The following DNAH2 variants were observed in gnomAD, a reference collection of about 807,000 sequenced individuals.
The protein encoded by DNAH2 is dynein axonemal heavy chain 2.
Under a neutral mutation model 523.5 loss-of-function variants are expected in DNAH2, and 323 were observed. That is an observed-to-expected ratio of 0.62 (90% CI 0.56 to 0.68). The LOEUF (loss-of-function observed/expected upper bound fraction) is 0.68, where lower values mean the gene tolerates loss of function less well. Among genes scored for constraint, DNAH2 ranks in the 30% least tolerant of loss-of-function variants. The probability of loss-of-function intolerance (pLI) is 0.00; values close to 1 mark genes in which losing one functional copy is unlikely to be tolerated. For synonymous variants in DNAH2, 2,093 were observed against 2,177.4 expected (o/e 0.96, Z 1.08); for missense variants, 4,907 against 5,701.5 (o/e 0.86, Z 4.49).
In DNAH2 at chr17:7,786,276, G is replaced by A. The variant is rs754478834; in HGVS notation, c.6282G>A (p.Trp2094Ter). 1.2e-6 allele frequency: 2 copies of A among 1,614,010 alleles called. No homozygotes were observed. Among genetic ancestry groups the A allele is most frequent in the Non-Finnish European group, 1.7e-6 (2 of 1,180,010 alleles). The change falls in exon 40 of 86, where the codon TGG becomes TGA. Residue 2094 changes from tryptophan to a stop codon, truncating the protein, a stop_gained. Coordinates refer to ENST00000572933, the MANE Select transcript of DNAH2 (RefSeq NM_020877.5). LOFTEE classifies it high-confidence loss of function. The surrounding 1 kb of genome is among the most constrained non-coding windows in gnomAD (Gnocchi z 7.5). Reference sequence around the variant, plus strand: ...CGGGCAGCGGCAAGACTGCCTCATGGCGCATTCTACAGGCCTCCCTGTCCT... The same window carrying A: ...CGGGCAGCGGCAAGACTGCCTCATGACGCATTCTACAGGCCTCCCTGTCCT... ...GCTGSGKTAS[W>*]RILQASLSSL... is the part of the protein sequence containing the mutation.
In DNAH2 at chr17:7,786,576, C is replaced by T. The variant is rs1567696210; in HGVS notation, c.6355C>T (p.Pro2119Ser). The change falls in exon 41 of 86, where the codon CCT (proline) becomes TCT (serine). Residue 2119 changes from proline to serine, a missense_variant. This residue lies in a region of DNAH2 where 2,806 missense variants were observed against 3,190.8 expected (regional missense o/e 0.88). Coordinates refer to ENST00000572933, the MANE Select transcript of DNAH2 (RefSeq NM_020877.5). The surrounding 1 kb of genome is among the most constrained non-coding windows in gnomAD (Gnocchi z 7.5). ...DPNFNIVREFPLNPKALSLGE... is the reference protein window; with the variant it reads ...DPNFNIVREFSLNPKALSLGE... ...CTTCCGGTGTCATTTTCAGGAGTTC[C>T]CTTTGAACCCCAAGGCATTGTCCCT... 1 of 1,613,572 alleles carries T rather than the reference C, an allele frequency of 6.2e-7. No individual in the cohort carries two copies. Among genetic ancestry groups the T allele is most frequent in the Admixed American group, 1.7e-5 (1 of 59,978 alleles).
intron 12 of DNAH2, 21 bp from the exon 13 acceptor site, chr17:7,757,066 ACTGC>A: frequency 6.2e-7 from 1 of 1,613,444 alleles, no homozygotes; most frequent in Non-Finnish European, 8.5e-7. Flanking sequence ...CGGTCCCCTC[ACTGC>A]CTGGCTGCTC....
At chr17:7,729,387 G>GAA (rs538804255) in intron 4 of DNAH2, among the ~76,000 whole-genome samples, 9 of 129,588 alleles carry the variant, frequency 6.9e-5, no homozygotes, top group African/African-American at 2.5e-4. Flanking sequence ...TCTCCAAAAA[G>GAA]AAAAAAAAAA....
chr17:7,735,574 G>T (rs1467498980), intron 7 of DNAH2, among the ~76,000 whole-genome samples: 1 of 151,852 alleles, frequency 6.6e-6, no homozygotes, highest in Non-Finnish European at 1.5e-5. Flanking sequence ...GAGTAGCTGG[G>T]ACTACAGGTG....
chr17:7,776,774 C>T lies in DNAH2; in HGVS notation c.4948-5C>T. 1 of 1,610,782 alleles carries T rather than the reference C, an allele frequency of 6.2e-7. No homozygotes were observed. The highest frequency in any genetic ancestry group is 8.5e-7 in the Non-Finnish European group (1 of 1,177,754). Reference sequence around the variant, plus strand: ...CTTTGGGACGTGGCTTCTGCACATCCCCAGGTGGTGATCACTGCCAGTCAG... The same window carrying T: ...CTTTGGGACGTGGCTTCTGCACATCTCCAGGTGGTGATCACTGCCAGTCAG... On this transcript the variant is annotated splice_region_variant and splice_polypyrimidine_tract_variant and intron_variant, in intron 31 of 85. Transcript: ENST00000572933.
chr17:7,818,547 C>T (rs2077751945), intron 69 of DNAH2, 87 bp downstream of exon 69: 1 of 1,601,492 alleles, frequency 6.2e-7, no homozygotes, highest in African/African-American at 1.3e-5. Context: ...TTGTGTTGGG[C>T]AGCTGAGGAT....
chr17:7,739,785 C>T lies in DNAH2; in HGVS notation c.1223C>T (p.Pro408Leu), dbSNP rs1567620601. 6 of 1,613,882 alleles carry T rather than the reference C, an allele frequency of 3.7e-6. No homozygotes were observed. Among genetic ancestry groups the T allele is most frequent in the South Asian group, 2.2e-5 (2 of 91,058 alleles). The stretch of plus-strand genomic sequence containing the variant: ...CGCTGGGAAGATGGCAAGCAGGGTC[C>T]CCTTCCTTGCTTCTTTGGTGCCCAG... ...FARWEDGKQG[P>L]LPCFFGAQGP... The change falls in exon 9 of 86, where the codon CCC (proline) becomes CTC (leucine). Residue 408 changes from proline (P) to leucine (L), a missense_variant. Transcript: ENST00000572933.
At chr17:7,783,327 T>A (rs1173505848) in intron 39 of DNAH2, among the ~76,000 whole-genome samples, 5 of 152,122 alleles carry the variant, frequency 3.3e-5, no homozygotes, top group Admixed American at 3.3e-4. Flanking sequence ...TCCGCCTGCC[T>A]CAGCCTCCCA....
chr17:7,779,409 T>C lies in DNAH2; in HGVS notation c.5708T>C (p.Ile1903Thr). ...INLVWSCGIFITMNPGYAGRT... is the reference protein window; with the variant it reads ...INLVWSCGIFTTMNPGYAGRT... ...CTGGTGTGGTCCTGTGGGATCTTCA[T>C]TACCATGAATCCTGGTAGGTGGCAG... Residue 1903 changes from isoleucine to threonine, a missense_variant, in exon 36 of 86, where the codon ATT (isoleucine) becomes ACT (threonine). By Grantham distance (89) the Ile-to-Thr change is moderately conservative. This residue lies in a region of DNAH2 where 2,806 missense variants were observed against 3,190.8 expected (regional missense o/e 0.88). Transcript: ENST00000572933. 1 of 1,613,730 alleles carries C rather than the reference T, an allele frequency of 6.2e-7. No homozygotes were observed. Among genetic ancestry groups the C allele is most frequent in the Non-Finnish European group, 8.5e-7 (1 of 1,179,860 alleles).
chr17:7,767,874 A>G, intron 22 of DNAH2, 26 bp from the exon 23 acceptor site: 1 of 1,613,418 alleles, frequency 6.2e-7, no homozygotes, highest in Non-Finnish European at 8.5e-7. Flanking sequence ...GTGCCACTTC[A>G]TGCAACGCGC....
Position 7,819,081 on chromosome 17 carries a change from C to T in DNAH2, c.10815+18C>T, listed in dbSNP as rs1173248044. 4 of 1,601,302 alleles carry T rather than the reference C, an allele frequency of 2.5e-6. No individual in the cohort carries two copies. Among genetic ancestry groups the T allele is most frequent in the Admixed American group, 1.7e-5 (1 of 59,798 alleles). On this transcript the variant is annotated intron_variant, in intron 71 of 85. Coordinates refer to ENST00000572933, the MANE Select transcript of DNAH2 (RefSeq NM_020877.5). ...CGCGGGAGGTAAGCTCCCGGCCCTCCAGTCCTGCCTCCCACCAGCCATCCA... is the reference window on the plus strand; with the variant it reads ...CGCGGGAGGTAAGCTCCCGGCCCTCTAGTCCTGCCTCCCACCAGCCATCCA...
At position 7,791,027 on chromosome 17, in the gene DNAH2, C is replaced by T. The variant is rs145391180; in HGVS notation, c.6901-890C>T. On this transcript the variant is annotated intron_variant, in intron 44 of 85. Coordinates refer to ENST00000572933, the MANE Select transcript of DNAH2 (RefSeq NM_020877.5). ...TGGCCTAGGCCTTTTTAAAGGTACA[C>T]CTTTACCTATAATACCATGGGTATC... 8.1e-3 allele frequency among the ~76,000 whole-genome samples: 1,231 copies of T among 151,822 alleles called. 16 individuals carry two copies. The highest frequency in any genetic ancestry group is 0.027 in the African/African-American group (1,122 of 41,368).
intron 35 of DNAH2, among the ~76,000 whole-genome samples, chr17:7,778,968 G>A (rs1212184771): frequency 6.6e-6 from 1 of 152,180 alleles, no homozygotes; most frequent in Non-Finnish European, 1.5e-5. Flanking sequence ...AGAAAATAAT[G>A]TGTGTTAACT....
In DNAH2 at chr17:7,754,251, T is replaced by C; in HGVS notation, c.1905-2840T>C. Reference sequence around the variant, plus strand: ...TAATATTGTAGAAACTTGGCCAAACTTAAATGATGGGAAGGAACTAGTAGA... The same window carrying C: ...TAATATTGTAGAAACTTGGCCAAACCTAAATGATGGGAAGGAACTAGTAGA... On this transcript the variant is annotated intron_variant, in intron 12 of 85. Transcript: ENST00000572933. The surrounding 1 kb of genome is among the most constrained non-coding windows in gnomAD (Gnocchi z 4.6). 1 of 252,456 alleles carries C rather than the reference T, an allele frequency of 4.0e-6. No individual in the cohort carries two copies. Among genetic ancestry groups the C allele is most frequent in the Admixed American group, 5.3e-5 (1 of 18,948 alleles). 15.6% of individuals were successfully genotyped at this position (252,456 alleles called of 1,614,324 possible).
intron 2 of DNAH2, among the ~76,000 whole-genome samples, chr17:7,721,571 C>T (rs868515082): frequency 5.7e-4 from 87 of 152,330 alleles, no homozygotes; most frequent in Middle Eastern, 3.4e-3. Flanking sequence ...GCTCCGGAAT[C>T]GCCTGTTCCA....
intron 39 of DNAH2, among the ~76,000 whole-genome samples, chr17:7,785,520 G>A (rs1024611875): frequency 6.6e-6 from 1 of 152,232 alleles, no homozygotes; most frequent in African/African-American, 2.4e-5. Context: ...GTGGAAGGAA[G>A]TGGAATTAGT....
rs1377040637 is a variant in DNAH2 at position 7,770,581 on chromosome 17, T to C, written c.4123T>C (p.Trp1375Arg). The change falls in exon 26 of 86, where the codon TGG (tryptophan) becomes CGG (arginine). Residue 1375 changes from tryptophan to arginine, a missense_variant. This residue lies in a region of DNAH2 where 2,806 missense variants were observed against 3,190.8 expected (regional missense o/e 0.88). Coordinates refer to ENST00000572933, the MANE Select transcript of DNAH2 (RefSeq NM_020877.5). ...EVALQNIAKTWDVTQLDIVPY... is the reference protein window; with the variant it reads ...EVALQNIAKTRDVTQLDIVPY... Reference sequence around the variant, plus strand: ...GGCTTTACAAAACATTGCCAAGACCTGGGATGTGACTCAGCTCGACATAGT... The same window carrying C: ...GGCTTTACAAAACATTGCCAAGACCCGGGATGTGACTCAGCTCGACATAGT... The C allele has an allele frequency of 1.4e-5, 23 of 1,614,076 alleles. No homozygotes were observed. Among genetic ancestry groups the C allele is most frequent in the Non-Finnish European group, 1.9e-5 (23 of 1,180,026 alleles).
chr17:7,811,549 A>C (rs2077517425), intron 63 of DNAH2, among the ~76,000 whole-genome samples: 1 of 149,916 alleles, frequency 6.7e-6, no homozygotes, highest in East Asian at 2.0e-4. Context: ...GATATCTTAC[A>C]GTTCCGAAGG....
intron 57 of DNAH2, 53 bp from the exon 58 acceptor site, chr17:7,801,815 ACTCCCAGCCT>A: frequency 1.9e-6 from 3 of 1,605,262 alleles, no homozygotes; most frequent in Non-Finnish European, 2.6e-6. Flanking sequence ...CTCTCATCGC[ACTCCCAGCCT>A]CTCTCCCACT....
Sources: allele counts gnomAD v4.1 joint callset (sites outside exome capture counted in the v4.1 genomes callset), GRCh38; gene constraint gnomAD v4.1.1; regional missense constraint gnomAD v4.1.1; non-coding constraint Gnocchi (gnomAD v3.1); transcripts MANE v1.5; gene names NCBI Gene and HGNC (gene_info 2026-07-23, HGNC 2026-07-21).